The following F5 variants were observed in gnomAD, a reference collection of about 807,000 sequenced individuals.
The protein encoded by F5 is coagulation factor V, also known as activated protein c cofactor.
F5 carries 138 observed loss-of-function variants against 216.4 expected under a neutral mutation model. The observed-to-expected ratio is 0.64, with a 90% CI of 0.56 to 0.73. The LOEUF is 0.73. Among genes scored for constraint, F5 ranks in the 30% least tolerant of loss-of-function variants. F5 has a pLI of 0.00. For synonymous variants in F5, 916 were observed against 930.7 expected (o/e 0.98, Z 0.29); for missense variants, 2,403 against 2,674.0 (o/e 0.90, Z 2.24).
At chr1:169,544,240 T>A in intron 12 of F5, 56 bp downstream of exon 12, 1 of 1,503,856 alleles carries the variant, frequency 6.6e-7, no homozygotes, top group Non-Finnish European at 9.2e-7. Context: ...AGCAGACCTT[T>A]ATAGACCAGA....
At chr1:169,543,698 A>G (rs1185734448) in intron 12 of F5, among the ~76,000 whole-genome samples, 1 of 152,234 alleles carries the variant, frequency 6.6e-6, no homozygotes, top group Non-Finnish European at 1.5e-5. Context: ...GTGAGTCTCC[A>G]ATAGTTACCA....
Position 169,513,450 on chromosome 1 carries a change from G to A in F5, c.*863C>T, listed in dbSNP as rs1659080924. 6.6e-6 allele frequency among the ~76,000 whole-genome samples: 1 copy of A among 152,090 alleles called. No individual in the cohort carries two copies. The highest frequency in any genetic ancestry group is 2.4e-5 in the African/African-American group (1 of 41,422). The stretch of plus-strand genomic sequence containing the variant: ...CTGGAAGAAGAGAGAGGAGGAAGTT[G>A]AGGCCATAGAGAGGAAGGCCCTGAA... On this transcript the variant is annotated 3_prime_UTR_variant, in exon 25 of 25. Transcript: ENST00000367797.
rs768173140 is a variant in F5 at position 169,523,178 on chromosome 1, T to C, written c.6048+19A>G. 3.1e-6 allele frequency: 5 copies of C among 1,613,788 alleles called. No individual in the cohort carries two copies. The highest frequency in any genetic ancestry group is 4.5e-5 in the East Asian group (2 of 44,856). ...CAAGTCTAGAGTCTAGAGATTCAGA[T>C]AGAAATATGCACACAAACCATCACA... On this transcript the variant is annotated intron_variant, in intron 21 of 24. Transcript: ENST00000367797.
At position 169,542,971 on chromosome 1, in the gene F5, G is replaced by C; in HGVS notation, c.2119C>G (p.Arg707Gly). Residue 707 changes from arginine (R) to glycine (G), a missense_variant, in exon 13 of 25, where the codon CGG becomes GGG. Transcript: ENST00000367797. ...EPPESTVMAT[R>G]KMHDRLEPED... ...GGTTCTAAACGATCATGCATTTTCC[G>C]TGTAGCCATGACTGTAGATTCTGGA... 1 of 1,613,974 alleles carries C rather than the reference G, an allele frequency of 6.2e-7. No homozygotes were observed.
At chr1:169,533,249 CAA>C (rs1219287716) in intron 14 of F5, among the ~76,000 whole-genome samples, 1 of 152,092 alleles carries the variant, frequency 6.6e-6, no homozygotes, top group Non-Finnish European at 1.5e-5. Context: ...TCATCATATA[CAA>C]AAATTAACTC....
intron 1 of F5, among the ~76,000 whole-genome samples, chr1:169,584,217 G>C (rs1661050316): frequency 6.6e-6 from 1 of 152,144 alleles, no homozygotes; most frequent in Admixed American, 6.5e-5. Context: ...TACTATGTAT[G>C]CTGTGTATTC....
chr1:169,523,265 A>G lies in F5; in HGVS notation c.5980T>C (p.Tyr1994His). 6.2e-7 allele frequency: 1 copy of G among 1,614,120 alleles called. No individual in the cohort carries two copies. The highest frequency in any genetic ancestry group is 8.5e-7 in the Non-Finnish European group (1 of 1,179,984). Residue 1994 changes from tyrosine (Y) to histidine (H), a missense_variant, in exon 21 of 25, where the codon TAT becomes CAT. Physicochemically the swap from Tyr to His is moderately conservative, Grantham distance 83. Coordinates refer to ENST00000367797, the MANE Select transcript of F5 (RefSeq NM_000130.5). ...YLKSCYTTEF[Y>H]VAYSSNQINW... The stretch of plus-strand genomic sequence containing the variant: ...ATCTGGTTGGAACTGTAAGCTACAT[A>G]GAACTCTGTGGTATAGCAGGACTTC...
chr1:169,566,185 T>A (rs1002771427), intron 3 of F5, among the ~76,000 whole-genome samples: 1 of 152,110 alleles, frequency 6.6e-6, no homozygotes, highest in Non-Finnish European at 1.5e-5. Flanking sequence ...TGACAGCCCT[T>A]CTTCAATGCT....
At chr1:169,532,928 T>C (rs899895645) in intron 14 of F5, among the ~76,000 whole-genome samples, 2 of 152,172 alleles carry the variant, frequency 1.3e-5, no homozygotes, top group Non-Finnish European at 2.9e-5. Context: ...AAAGCAATCC[T>C]AAGCAAAAAG....
intron 21 of F5, 130 bp downstream of exon 21, chr1:169,523,067 C>T: frequency 1.0e-6 from 1 of 987,802 alleles, no homozygotes; most frequent in Non-Finnish European, 1.6e-6. Context: ...CCATATGACC[C>T]TTAGAAAGCC....
chr1:169,566,091 T>C (rs1449932511), intron 3 of F5, among the ~76,000 whole-genome samples: 1 of 151,746 alleles, frequency 6.6e-6, no homozygotes, highest in Non-Finnish European at 1.5e-5. Context: ...ATAAGGAGAG[T>C]TGCCCTCTCA....
chr1:169,563,118 A>T (rs1660518915), intron 3 of F5, among the ~76,000 whole-genome samples: 2 of 151,932 alleles, frequency 1.3e-5, no homozygotes, highest in Non-Finnish European at 2.9e-5. Flanking sequence ...CCTATCTTCT[A>T]CCCTCCCAAC....
chr1:169,553,595 C>G (rs527467693), intron 7 of F5, among the ~76,000 whole-genome samples: 60 of 152,168 alleles, frequency 3.9e-4, no homozygotes, highest in South Asian at 1.0e-3. Flanking sequence ...GTTGGCGGGC[C>G]CCTGTAGTCT....
chr1:169,560,735 C>CT lies in F5; in HGVS notation c.404_405insA (p.Glu136GlyfsTer16). ...GAGCCACAGCGTCGTCCATCTTCTCCGCAGGGAATGTGTGGTCAAGGTAAG... is the reference window on the plus strand; with the variant it reads ...GAGCCACAGCGTCGTCCATCTTCTCCTGCAGGGAATGTGTGGTCAAGGTAAG... On this transcript the variant is annotated frameshift_variant, in exon 4 of 25. Coordinates refer to ENST00000367797, the MANE Select transcript of F5 (RefSeq NM_000130.5). LOFTEE classifies it high-confidence loss of function. 6.2e-7 allele frequency: 1 copy of CT among 1,612,310 alleles called. No homozygotes were observed. The highest frequency in any genetic ancestry group is 1.7e-5 in the Admixed American group (1 of 59,916).
In F5 at chr1:169,541,219, G is replaced by A; in HGVS notation, c.3871C>T (p.Gln1291Ter). 1 of 1,592,480 alleles carries A rather than the reference G, an allele frequency of 6.3e-7. No individual in the cohort carries two copies. The highest frequency in any genetic ancestry group is 8.6e-7 in the Non-Finnish European group (1 of 1,166,378). Reference protein sequence around the residue: ...SHTTLSLDFSQTNLSPELSHM... With the variant: ...SHTTLSLDFS ...CTGAGTTCTGGAGAGAGGTTTGTCT[G>A]GCTGAAGTCTAGAGAAAGGGTTGTA... The change falls in exon 13 of 25, where the codon CAG becomes TAG. Residue 1291 changes from glutamine to a stop codon, truncating the protein, a stop_gained. Coordinates refer to ENST00000367797, the MANE Select transcript of F5 (RefSeq NM_000130.5). LOFTEE classifies it high-confidence loss of function.
At chr1:169,583,633 A>G (rs1483578030) in intron 1 of F5, among the ~76,000 whole-genome samples, 4 of 152,244 alleles carry the variant, frequency 2.6e-5, no homozygotes, top group Admixed American at 2.6e-4. Context: ...GAGCTGGCAC[A>G]CTAGAAATAC....
In F5 at chr1:169,512,598, A is replaced by C. The variant is rs763562497; in HGVS notation, c.*1715T>G. The stretch of plus-strand genomic sequence containing the variant: ...GAAGCTGGCCCTGTAGAAAACAAAG[A>C]AATGTTTTCCCCCACCTTCCAACAT... On this transcript the variant is annotated 3_prime_UTR_variant, in exon 25 of 25. Transcript: ENST00000367797. Among the ~76,000 whole-genome samples the C allele has an allele frequency of 5.3e-5, 8 of 152,060 alleles. No homozygotes were observed. The highest frequency in any genetic ancestry group is 8.8e-5 in the Non-Finnish European group (6 of 67,992).
chr1:169,554,490 A>T (rs1306555906), intron 7 of F5, among the ~76,000 whole-genome samples: 1 of 152,242 alleles, frequency 6.6e-6, no homozygotes, highest in Admixed American at 6.5e-5. Flanking sequence ...TCTTACTACT[A>T]CTAACGTTGC....
At position 169,554,017 on chromosome 1, in the gene F5, A is replaced by G. The variant is rs148279325; in HGVS notation, c.1118+1165T>C. Among the ~76,000 whole-genome samples the G allele has an allele frequency of 7.2e-5, 9 of 124,524 alleles. No individual in the cohort carries two copies. In the East Asian group the frequency reaches 1.4e-3, roughly 20 times the overall value. 81.7% of individuals were successfully genotyped at this position (124,524 alleles called of 152,430 possible). On this transcript the variant is annotated intron_variant, in intron 7 of 24. Coordinates refer to ENST00000367797, the MANE Select transcript of F5 (RefSeq NM_000130.5). ...TGTTGCCAAACACTCCTGGATTCCTATCTCAGTTCTGTCAACAATTCTATA... is the reference window on the plus strand; with the variant it reads ...TGTTGCCAAACACTCCTGGATTCCTGTCTCAGTTCTGTCAACAATTCTATA...
Sources: gnomAD v4.1 joint callset for allele counts (sites outside exome capture counted in the v4.1 genomes callset) on GRCh38, gnomAD v4.1.1 for gene constraint, MANE v1.5 for transcripts, NCBI Gene and HGNC (gene_info 2026-07-23, HGNC 2026-07-21) for gene names.